Variants in ASH1L observed in about 807,000 individuals in gnomAD.
ASH1L encodes ASH1 like histone lysine methyltransferase.
In ASH1L, 23 loss-of-function variants were observed where a neutral mutation model predicts 269.0. The observed-to-expected ratio is 0.09, with a 90% CI of 0.06 to 0.12. The LOEUF (loss-of-function observed/expected upper bound fraction) is 0.12, where lower values mean the gene tolerates loss of function less well. Ranked by LOEUF, ASH1L falls within the 10% of genes least tolerant of loss-of-function variation. The probability of loss-of-function intolerance (pLI) is 1.00; values close to 1 mark genes in which losing one functional copy is unlikely to be tolerated. For missense variants in ASH1L, 2,912 were observed against 3,567.8 expected (o/e 0.82, Z 4.68); for synonymous variants, 1,187 against 1,253.5 (o/e 0.95, Z 1.12).
At chr1:155,422,303 A>AT (rs757564991) in intron 5 of ASH1L, among the ~76,000 whole-genome samples, 8,663 of 120,788 alleles carry the variant, frequency 0.072, 474 homozygotes, top group African/African-American at 0.14. Flanking sequence ...CGCCCAGCTA[A>AT]TTTTTTTTTT....
chr1:155,554,447 T>C (rs188015837), intron 1 of ASH1L, among the ~76,000 whole-genome samples: 1 of 152,174 alleles, frequency 6.6e-6, no homozygotes, highest in Non-Finnish European at 1.5e-5. Flanking sequence ...TAATTTTGTA[T>C]TTTTAGTAGA....
intron 2 of ASH1L, among the ~76,000 whole-genome samples, chr1:155,516,601 TG>T (rs1401261417): frequency 1.3e-5 from 2 of 152,034 alleles, no homozygotes; most frequent in Non-Finnish European, 2.9e-5. Context: ...AAGACCAGCT[TG>T]GGCAAAACAG....
At chr1:155,516,235 A>G (rs542380992) in intron 2 of ASH1L, among the ~76,000 whole-genome samples, 43 of 152,264 alleles carry the variant, frequency 2.8e-4, no homozygotes, top group African/African-American at 1.0e-3. Context: ...AAAATTATAT[A>G]TAATATTTCA....
chr1:155,523,488 T>C (rs2148848936), intron 1 of ASH1L, among the ~76,000 whole-genome samples: 1 of 152,190 alleles, frequency 6.6e-6, no homozygotes, highest in East Asian at 1.9e-4. Context: ...CAAGACCCTG[T>C]CTCAAGGGAA....
chr1:155,394,880 T>C (rs1658222276), intron 7 of ASH1L, among the ~76,000 whole-genome samples: 1 of 152,168 alleles, frequency 6.6e-6, no homozygotes, highest in Admixed American at 6.5e-5. Context: ...TGGCTACTAC[T>C]TGGTTTTTCC....
intron 3 of ASH1L, among the ~76,000 whole-genome samples, chr1:155,461,434 CAAT>C (rs941016255): frequency 2.0e-5 from 3 of 152,178 alleles, no homozygotes; most frequent in African/African-American, 7.2e-5. Context: ...TTCTGAAACA[CAAT>C]GATGACTGAT....
intron 2 of ASH1L, among the ~76,000 whole-genome samples, 177 bp from the exon 3 acceptor site, chr1:155,482,626 C>T (rs969702356): frequency 6.6e-6 from 1 of 152,122 alleles, no homozygotes; most frequent in East Asian, 1.9e-4. Context: ...TGCTGCTATA[C>T]GAGAGGCTAT....
At chr1:155,460,456 A>C (rs2148674210) in intron 3 of ASH1L, among the ~76,000 whole-genome samples, 1 of 152,276 alleles carries the variant, frequency 6.6e-6, no homozygotes, top group Non-Finnish European at 1.5e-5. Flanking sequence ...AAGAATACAA[A>C]AATTAGCCAG....
intron 6 of ASH1L, among the ~76,000 whole-genome samples, chr1:155,411,570 T>TATAAATAAATAAATAA (rs199583567): frequency 1.2e-4 from 9 of 72,130 alleles, no homozygotes; most frequent in East Asian, 5.9e-4. Context: ...TAAATATGAA[T>TATAAATAAATAAATAA]ATAAATAAAT....
At chr1:155,434,050 C>T (rs1310290477) in intron 5 of ASH1L, 5 of 1,591,888 alleles carry the variant, frequency 3.1e-6, no homozygotes, top group Admixed American at 3.6e-5. Context: ...AATCAAGCAG[C>T]GACTATGCAT....
Position 155,337,467 on chromosome 1 carries a change from T to G in ASH1L, c.*193A>C. On this transcript the variant is annotated 3_prime_UTR_variant, in exon 28 of 28. Transcript: ENST00000392403. ...GAGAAGAAAATTAATTAACCTGAACTGTCTTGGACAGAACCCTTTCCTCTC... is the reference window on the plus strand; with the variant it reads ...GAGAAGAAAATTAATTAACCTGAACGGTCTTGGACAGAACCCTTTCCTCTC... The G allele has an allele frequency of 1.9e-6, 1 of 527,482 alleles. No homozygotes were observed. Among genetic ancestry groups the G allele is most frequent in the Non-Finnish European group, 3.4e-6 (1 of 290,194 alleles). The allele number at this position is 527,482 out of a possible 1,614,324, so 32.7% of individuals were successfully genotyped here. A position where few individuals can be genotyped will look rare whatever the true frequency, so the allele number is the denominator to read the frequency against.
chr1:155,373,498 T>C (rs144301577), intron 10 of ASH1L, among the ~76,000 whole-genome samples: 90 of 152,222 alleles, frequency 5.9e-4, no homozygotes, highest in Non-Finnish European at 1.1e-3. Flanking sequence ...TGCTGCTATG[T>C]TGCTTAGGCT....
At chr1:155,498,607 A>G (rs538941417) in intron 2 of ASH1L, among the ~76,000 whole-genome samples, 89 of 152,034 alleles carry the variant, frequency 5.9e-4, no homozygotes, top group Middle Eastern at 3.4e-3. Context: ...ACGCCTGGCT[A>G]ATTTTGTAGT....
intron 12 of ASH1L, among the ~76,000 whole-genome samples, chr1:155,368,781 T>C (rs983976969): frequency 2.0e-5 from 3 of 152,242 alleles, no homozygotes; most frequent in Non-Finnish European, 2.9e-5. Context: ...GATTTGTTCA[T>C]TTCATCTAAC....
In ASH1L at chr1:155,478,722, C is replaced by T; in HGVS notation, c.4148G>A (p.Gly1383Asp). 2 of 1,613,930 alleles carry T rather than the reference C, an allele frequency of 1.2e-6. No individual in the cohort carries two copies. The highest frequency in any genetic ancestry group is 8.5e-7 in the Non-Finnish European group (1 of 1,179,988). ...AAGGGGTGAAGGAGAGTAAGGCATA[C>T]CATAAGATGGATAGAATCCAGTACT... is the stretch of plus-strand genomic sequence containing the variant. ...LSSTGFYPSY[G>D]MPYSPSPLTA... The change falls in exon 3 of 28, where the codon GGT (glycine) becomes GAT (aspartate). Residue 1383 changes from glycine to aspartate, a missense_variant. By Grantham distance (94) the Gly-to-Asp change is moderately conservative. Around this residue, in one of 13 missense-constraint regions of ASH1L, gnomAD observed 789 missense variants for 897.6 expected, o/e 0.88. Transcript: ENST00000392403. This position sits in a 1 kb window ranked among gnomAD's most constrained non-coding sequence, Gnocchi z 4.6.
intron 5 of ASH1L, among the ~76,000 whole-genome samples, chr1:155,431,928 T>C (rs1458562965): frequency 6.6e-6 from 1 of 152,208 alleles, no homozygotes; most frequent in Non-Finnish European, 1.5e-5. Context: ...TTTTATTTTT[T>C]ACAGCAAAAA....
chr1:155,536,530 T>G (rs1440762010), intron 1 of ASH1L, among the ~76,000 whole-genome samples: 3 of 152,158 alleles, frequency 2.0e-5, no homozygotes, highest in Non-Finnish European at 4.4e-5. Flanking sequence ...CTTCAAAACA[T>G]ATGCAGTCAT....
chr1:155,424,003 G>A (rs1416622402), intron 5 of ASH1L, among the ~76,000 whole-genome samples: 1 of 152,092 alleles, frequency 6.6e-6, no homozygotes, highest in East Asian at 1.9e-4. Context: ...GGGATTATAG[G>A]TGCGAGCCAC....
At chr1:155,553,986 G>A (rs1215202302) in intron 1 of ASH1L, among the ~76,000 whole-genome samples, 1 of 151,570 alleles carries the variant, frequency 6.6e-6, no homozygotes, top group Non-Finnish European at 1.5e-5. Flanking sequence ...TAGTGGAGAT[G>A]GGGTTTCACC....
Sources: gnomAD v4.1 joint callset for allele counts (sites outside exome capture counted in the v4.1 genomes callset) on GRCh38, gnomAD v4.1.1 for gene constraint, gnomAD v4.1.1 regional missense constraint, Gnocchi (gnomAD v3.1) non-coding constraint, MANE v1.5 for transcripts, NCBI Gene and HGNC (gene_info 2026-07-23, HGNC 2026-07-21) for gene names.